The following MRPS5 variants were observed in gnomAD, a reference collection of about 807,000 sequenced individuals.
MRPS5 encodes the protein mitochondrial ribosomal protein S5.
A neutral mutation model predicts 51.9 loss-of-function variants in MRPS5; 27 were observed. The ratio of observed to expected loss-of-function variants is 0.52; its 90% confidence interval spans 0.38 to 0.72. The LOEUF is 0.72. MRPS5 is among the 30% of genes least tolerant of loss of function. The pLI is 0.00. For missense variants in MRPS5, 570 were observed against 545.7 expected (o/e 1.04, Z -0.44); for synonymous variants, 196 against 193.2 (o/e 1.01, Z -0.12).
chr2:95,110,597 T>C (rs1676090513), intron 3 of MRPS5, among the ~76,000 whole-genome samples: 1 of 152,002 alleles, frequency 6.6e-6, no homozygotes, highest in Admixed American at 6.6e-5. Flanking sequence ...GAGGCCAGAG[T>C]TGGAGGCCAG....
chr2:95,090,678 C>T, intron 10 of MRPS5, 156 bp from the exon 11 acceptor site: 1 of 687,314 alleles, frequency 1.5e-6, no homozygotes, highest in Non-Finnish European at 2.4e-6. Context: ...TGACAACTTA[C>T]TTAACTTCCA....
At chr2:95,112,848 C>T (rs1676163750) in intron 3 of MRPS5, among the ~76,000 whole-genome samples, 1 of 151,242 alleles carries the variant, frequency 6.6e-6, no homozygotes, top group Non-Finnish European at 1.5e-5. Context: ...ACTAAAAATA[C>T]AAAAAAATTA....
intron 3 of MRPS5, 118 bp from the exon 4 acceptor site, chr2:95,110,159 G>C: frequency 7.6e-7 from 1 of 1,322,456 alleles, no homozygotes; most frequent in Non-Finnish European, 1.0e-6. Context: ...ATGCATCACT[G>C]AGGTAATGAA....
intron 10 of MRPS5, among the ~76,000 whole-genome samples, chr2:95,096,527 G>A (rs1030792317): frequency 4.6e-4 from 70 of 152,274 alleles, no homozygotes; most frequent in African/African-American, 1.6e-3. Flanking sequence ...TGCAAGGCTG[G>A]TTCAACATAT....
chr2:95,094,136 G>C (rs562026838), intron 10 of MRPS5, among the ~76,000 whole-genome samples: 1 of 152,294 alleles, frequency 6.6e-6, no homozygotes, highest in East Asian at 1.9e-4. Flanking sequence ...AAGGGTATCA[G>C]TGATTGAAGA....
chr2:95,101,750 A>G, intron 7 of MRPS5, 27 bp from the exon 8 acceptor site: 1 of 1,553,512 alleles, frequency 6.4e-7, no homozygotes, highest in Non-Finnish European at 8.7e-7. Context: ...AAAAATAAGA[A>G]AAGAGACAGA....
chr2:95,094,085 G>A (rs1283881821), intron 10 of MRPS5, among the ~76,000 whole-genome samples: 1 of 152,168 alleles, frequency 6.6e-6, no homozygotes, highest in Non-Finnish European at 1.5e-5. Context: ...ACTACGTGAT[G>A]CATGCATAAG....
chr2:95,114,432 T>C (rs1012641483), intron 3 of MRPS5, among the ~76,000 whole-genome samples: 14 of 151,818 alleles, frequency 9.2e-5, no homozygotes, highest in African/African-American at 3.4e-4. Flanking sequence ...CATGCCTGGC[T>C]AATTTTGTTT....
intron 11 of MRPS5, 126 bp from the exon 12 acceptor site, chr2:95,087,707 T>C (rs756543777): frequency 8.5e-5 from 66 of 776,848 alleles, no homozygotes; most frequent in Non-Finnish European, 9.7e-5. Context: ...TGGATTTGGG[T>C]TAATGTGTTT....
chr2:95,097,907 AG>A (rs1675675550), intron 10 of MRPS5, among the ~76,000 whole-genome samples: 1 of 152,256 alleles, frequency 6.6e-6, no homozygotes, highest in South Asian at 2.1e-4. Context: ...CAGAGTGAAC[AG>A]GCAACCTACC....
At position 95,117,953 on chromosome 2, in the gene MRPS5, T is replaced by C. The variant is rs752438515; in HGVS notation, c.59-8A>G. The C allele has an allele frequency of 1.3e-6, 2 of 1,583,232 alleles. No homozygotes were observed. The highest frequency in any genetic ancestry group is 2.0e-5 in the Admixed American group (1 of 50,486). On this transcript the variant is annotated splice_polypyrimidine_tract_variant and splice_region_variant and intron_variant, in intron 1 of 11. Coordinates refer to ENST00000272418, the MANE Select transcript of MRPS5 (RefSeq NM_031902.5). ...GCCTCCCCAATAAATGACCTGCAAA[T>C]TGGAAAAAAAAAAATTTAAGATACA...
At chr2:95,095,561 C>A (rs1675601316) in intron 10 of MRPS5, among the ~76,000 whole-genome samples, 1 of 152,198 alleles carries the variant, frequency 6.6e-6, no homozygotes, top group African/African-American at 2.4e-5. Context: ...TCACTCAAAA[C>A]CGCTCAACTA....
chr2:95,098,619 T>C (rs1303894330), intron 10 of MRPS5, among the ~76,000 whole-genome samples: 2 of 152,028 alleles, frequency 1.3e-5, no homozygotes, highest in Admixed American at 6.6e-5. Context: ...TTCTCACTCA[T>C]AGGTGGGAAC....
chr2:95,087,152 T>C lies in MRPS5; in HGVS notation c.*205A>G. On this transcript the variant is annotated 3_prime_UTR_variant, in exon 12 of 12. Coordinates refer to ENST00000272418, the MANE Select transcript of MRPS5 (RefSeq NM_031902.5). ...ATGAATATTTAAAGTAGTCTTGAACTGAGATATGTATGTAAAGGTTCTATC... is the reference window on the plus strand; with the variant it reads ...ATGAATATTTAAAGTAGTCTTGAACCGAGATATGTATGTAAAGGTTCTATC... 6.0e-6 allele frequency: 3 copies of C among 497,470 alleles called. No homozygotes were observed. The highest frequency in any genetic ancestry group is 1.1e-5 in the Non-Finnish European group (3 of 284,074). The allele number at this position is 497,470 out of a possible 1,614,324, so 30.8% of individuals were successfully genotyped here. A position where few individuals can be genotyped will look rare whatever the true frequency, so the allele number is the denominator to read the frequency against.
intron 3 of MRPS5, among the ~76,000 whole-genome samples, chr2:95,110,675 G>A (rs1676092883): frequency 6.6e-6 from 1 of 152,122 alleles, no homozygotes; most frequent in South Asian, 2.1e-4. Flanking sequence ...GATGGCATGT[G>A]CCCATGGTCC....
At position 95,090,398 on chromosome 2, in the gene MRPS5, CCCACGGAAGAGG is replaced by C. The variant is rs1364094887; in HGVS notation, c.1044_1055del (p.Phe350_Leu353del). ...GGGAAAGGATTACCTGTCTGGAGAG[CCCACGGAAGAGG>C]CCCTGGGTGAGGCTGAGCATATTAA... On this transcript the variant is annotated inframe_deletion, in exon 11 of 12. Transcript: ENST00000272418. 14 of 1,613,412 alleles carry C rather than the reference CCCACGGAAGAGG, an allele frequency of 8.7e-6. No homozygotes were observed. Among genetic ancestry groups the C allele is most frequent in the African/African-American group, 2.7e-5 (2 of 74,852 alleles).
intron 10 of MRPS5, chr2:95,091,667 G>C (rs1266189528): frequency 6.6e-6 from 1 of 152,142 alleles, no homozygotes; most frequent in African/African-American, 2.4e-5. Flanking sequence ...ATCTACTCTG[G>C]AAGTTGGACA....
At chr2:95,101,974 C>G (rs1675817241) in intron 7 of MRPS5, 2 of 415,876 alleles carry the variant, frequency 4.8e-6, no homozygotes, top group Admixed American at 4.3e-5. Flanking sequence ...AACAACACAG[C>G]AAGACTCTGT....
At chr2:95,098,754 G>A (rs1229954929) in intron 10 of MRPS5, among the ~76,000 whole-genome samples, 3 of 151,884 alleles carry the variant, frequency 2.0e-5, no homozygotes, top group African/African-American at 4.8e-5. Context: ...GAGTTAATGG[G>A]TTCAGCAAAC....
Sources: gnomAD v4.1 joint callset for allele counts (sites outside exome capture counted in the v4.1 genomes callset) on GRCh38, gnomAD v4.1.1 for gene constraint, MANE v1.5 for transcripts, NCBI Gene and HGNC (gene_info 2026-07-23, HGNC 2026-07-21) for gene names.